CTNND2: variants seen among roughly 807,000 people sequenced by gnomAD.
The protein encoded by CTNND2 is catenin delta-2.
Under a neutral mutation model 144.4 loss-of-function variants are expected in CTNND2, and 22 were observed. The observed-to-expected ratio is 0.15, with a 90% confidence interval of 0.11 to 0.22. The LOEUF is 0.22. Among genes scored for constraint, CTNND2 ranks in the 10% least tolerant of loss-of-function variants. CTNND2 has a pLI of 1.00. For synonymous variants in CTNND2, 751 were observed against 695.6 expected (o/e 1.08, Z -1.25); for missense variants, 1,353 against 1,618.8 (o/e 0.84, Z 2.82).
At chr5:11,583,160 A>T (rs1445117259) in intron 2 of CTNND2, among the ~76,000 whole-genome samples, 4 of 152,222 alleles carry the variant, frequency 2.6e-5, no homozygotes, top group African/African-American at 9.6e-5. Context: ...GCCACAATGC[A>T]ACTGAGTCAG....
intron 1 of CTNND2, among the ~76,000 whole-genome samples, chr5:11,859,880 A>C (rs998758357): frequency 6.6e-6 from 1 of 152,076 alleles, no homozygotes; most frequent in African/African-American, 2.4e-5. Flanking sequence ...TTTCCTTAAC[A>C]CCTATACTTA....
At chr5:11,697,092 G>A (rs186536454) in intron 2 of CTNND2, among the ~76,000 whole-genome samples, 8 of 152,122 alleles carry the variant, frequency 5.3e-5, no homozygotes, top group Admixed American at 4.6e-4. Context: ...TTAAGGAACC[G>A]GACAAATATC....
At chr5:11,729,832 C>A (rs1431152731) in intron 2 of CTNND2, among the ~76,000 whole-genome samples, 1 of 152,148 alleles carries the variant, frequency 6.6e-6, no homozygotes, top group African/African-American at 2.4e-5. Flanking sequence ...CAAGCCTTAA[C>A]TCTTACCTAG....
intron 1 of CTNND2, among the ~76,000 whole-genome samples, chr5:11,847,128 TTATATATATATA>T (rs56978156): frequency 0.058 from 4,188 of 72,322 alleles, 159 homozygotes; most frequent in East Asian, 0.16. Flanking sequence ...GTCAAAGATT[TTATATATATATA>T]TATATATATA....
intron 14 of CTNND2, among the ~76,000 whole-genome samples, chr5:11,100,913 G>A (rs1025551743): frequency 1.3e-5 from 2 of 152,148 alleles, no homozygotes; most frequent in African/African-American, 4.8e-5. Flanking sequence ...TAACTTCTGT[G>A]CAATAAAGCA....
intron 1 of CTNND2, among the ~76,000 whole-genome samples, chr5:11,773,857 C>T (rs1380145920): frequency 6.8e-6 from 1 of 147,952 alleles, no homozygotes; most frequent in Non-Finnish European, 1.5e-5. Flanking sequence ...AAATTTATAA[C>T]CAATCAATTT....
At chr5:11,615,395 G>A (rs936267833) in intron 2 of CTNND2, among the ~76,000 whole-genome samples, 2 of 152,082 alleles carry the variant, frequency 1.3e-5, no homozygotes, top group Admixed American at 6.5e-5. Context: ...CCTATTAATT[G>A]AATTTATACT....
intron 7 of CTNND2, among the ~76,000 whole-genome samples, chr5:11,378,314 G>A (rs888863145): frequency 6.6e-6 from 1 of 152,148 alleles, no homozygotes; most frequent in Non-Finnish European, 1.5e-5. Flanking sequence ...ATGAGGAAGG[G>A]GCTGGAGCCC....
chr5:11,562,704 C>T (rs964470117), intron 3 of CTNND2, among the ~76,000 whole-genome samples: 1 of 152,090 alleles, frequency 6.6e-6, no homozygotes, highest in Non-Finnish European at 1.5e-5. Context: ...GTGTAAAGAA[C>T]CAAAAGTTGT....
At chr5:11,179,546 A>G (rs1424103928) in intron 11 of CTNND2, among the ~76,000 whole-genome samples, 1 of 152,108 alleles carries the variant, frequency 6.6e-6, no homozygotes, top group East Asian at 1.9e-4. Context: ...TCTGTACCTA[A>G]CCCTGACATT....
intron 1 of CTNND2, among the ~76,000 whole-genome samples, chr5:11,881,952 T>C (rs986629765): frequency 1.3e-5 from 2 of 152,092 alleles, no homozygotes; most frequent in African/African-American, 2.4e-5. Flanking sequence ...CGATAACTCA[T>C]TGTGGTTTCA....
intron 5 of CTNND2, among the ~76,000 whole-genome samples, chr5:11,410,874 A>ATT (rs75920355): frequency 1.4e-5 from 2 of 143,858 alleles, no homozygotes; most frequent in East Asian, 2.0e-4. Flanking sequence ...CTGATAGGTA[A>ATT]TTTTTTTTTT....
At chr5:11,735,390 G>A (rs1787624389) in intron 1 of CTNND2, among the ~76,000 whole-genome samples, 1 of 145,674 alleles carries the variant, frequency 6.9e-6, no homozygotes, top group African/African-American at 2.5e-5. Flanking sequence ...CAGAGATGGT[G>A]AAAGAGCAGA....
intron 15 of CTNND2, among the ~76,000 whole-genome samples, chr5:11,094,454 T>C (rs530654056): frequency 6.6e-6 from 1 of 151,954 alleles, no homozygotes; most frequent in South Asian, 2.1e-4. Context: ...TATGATGGTC[T>C]ATGTGTCTGC....
At chr5:11,594,573 A>G (rs916511393) in intron 2 of CTNND2, among the ~76,000 whole-genome samples, 1 of 152,252 alleles carries the variant, frequency 6.6e-6, no homozygotes, top group South Asian at 2.1e-4. Flanking sequence ...AAATAAAAGT[A>G]GAACTAAAGT....
chr5:11,340,947 A>G (rs1220615407), intron 9 of CTNND2, among the ~76,000 whole-genome samples: 1 of 152,232 alleles, frequency 6.6e-6, no homozygotes, highest in East Asian at 1.9e-4. Context: ...TTTCATCATC[A>G]TTGTTATCAT....
intron 12 of CTNND2, among the ~76,000 whole-genome samples, chr5:11,130,709 G>C (rs191238234): frequency 3.2e-4 from 48 of 152,254 alleles, no homozygotes; most frequent in African/African-American, 1.1e-3. Context: ...TGCAGTACTT[G>C]GGGAATGAGC....
At chr5:11,584,819 T>C (rs1464756552) in intron 2 of CTNND2, among the ~76,000 whole-genome samples, 4 of 152,190 alleles carry the variant, frequency 2.6e-5, no homozygotes, top group South Asian at 2.1e-4. Flanking sequence ...GTTTTGTTTT[T>C]TTGAGCAGAA....
intron 1 of CTNND2, among the ~76,000 whole-genome samples, chr5:11,800,247 A>G (rs899195049): frequency 6.6e-6 from 1 of 152,182 alleles, no homozygotes; most frequent in Admixed American, 6.5e-5. Flanking sequence ...TTCCCTCTAT[A>G]GTCACCTATC....
Sources: allele counts gnomAD v4.1 joint callset (sites outside exome capture counted in the v4.1 genomes callset), GRCh38; gene constraint gnomAD v4.1.1; transcripts MANE v1.5; gene names NCBI Gene and HGNC (gene_info 2026-07-23, HGNC 2026-07-21).